The following L1TD1 variants were observed in gnomAD, a reference collection of about 807,000 sequenced individuals.
L1TD1 encodes the protein LINE-1 type transposase domain-containing protein 1.
L1TD1 carries 26 observed loss-of-function variants against 25.7 expected under a neutral mutation model. The ratio of observed to expected loss-of-function variants is 1.01; its 90% CI spans 0.74 to 1.40. The LOEUF (loss-of-function observed/expected upper bound fraction) is 1.40. L1TD1 is among the 40% of genes most tolerant of loss of function. L1TD1 has a pLI of 0.00. For missense variants in L1TD1, 1,130 were observed against 975.0 expected, an observed-to-expected ratio of 1.16 and a Z score of -2.12; for synonymous variants, 421 against 335.6, an observed-to-expected ratio of 1.25 and a Z score of -2.78.
In L1TD1 at chr1:62,209,993, G is replaced by A. The variant is rs777622889; in HGVS notation, c.1219G>A (p.Glu407Lys). 3.4e-6 allele frequency: 5 copies of A among 1,470,694 alleles called. No homozygotes were observed. The highest frequency in any genetic ancestry group is 4.7e-6 in the Non-Finnish European group (5 of 1,071,602). The allele number at this position is 1,470,694 out of a possible 1,614,324, so 91.1% of individuals were successfully genotyped here. ...AGATACCTCAGGGCTGGAGGAGGAG[G>A]AGGAAGAGCCCTCAGGGCTGGAGGA... ...DEDTSGLEEE[E>K]EEPSGLEEEE... The change falls in exon 4 of 4, where the codon GAG becomes AAG. Residue 407 changes from glutamate to lysine, a missense_variant. Transcript: ENST00000498273.
chr1:62,197,134 C>A (rs1013069108), intron 2 of L1TD1, among the ~76,000 whole-genome samples: 1 of 151,812 alleles, frequency 6.6e-6, no homozygotes, highest in African/African-American at 2.4e-5. Context: ...ACCTGTAATC[C>A]CAGCACTTTG....
chr1:62,206,464 C>T, intron 2 of L1TD1, 55 bp from the exon 3 acceptor site: 1 of 627,120 alleles, frequency 1.6e-6, no homozygotes, highest in Non-Finnish European at 2.4e-6. Flanking sequence ...ATATTCTTAC[C>T]AAGTTTCTCA....
Position 62,210,057 on chromosome 1 carries a change from A to C in L1TD1, c.1283A>C (p.Glu428Ala). Residue 428 changes from glutamate (E) to alanine (A), a missense_variant, in exon 4 of 4, where the codon GAG becomes GCG. Glu to Ala is a moderately radical substitution (Grantham distance 107). Transcript: ENST00000498273. ...GAGGCTTCAGGGTTGGAGGAGGATG[A>C]GGCCTCAGGGCTAGAGGAGGAAGAG... ...EEEASGLEED[E>A]ASGLEEEEEQ... The C allele has an allele frequency of 1.9e-6, 3 of 1,613,294 alleles. No homozygotes were observed. The highest frequency in any genetic ancestry group is 2.5e-6 in the Non-Finnish European group (3 of 1,179,436).
At position 62,205,373 on chromosome 1, in the gene L1TD1, TTCTCTCTCTCTCTCTTTCTCTC is replaced by T. The variant is rs1279940152; in HGVS notation, c.-110-1130_-110-1109del. On this transcript the variant is annotated intron_variant, in intron 2 of 3. Coordinates refer to ENST00000498273, the MANE Select transcript of L1TD1 (RefSeq NM_019079.5). ...AAAATAAAACCAACGAAAACTCTCT[TTCTCTCTCTCTCTCTTTCTCTC>T]TCTCTCTCTCTCTCTCTCTCTCTAT... Among the ~76,000 whole-genome samples the T allele has an allele frequency of 9.0e-3, 807 of 90,072 alleles. 15 individuals carry two copies. Among genetic ancestry groups the T allele is most frequent in the Middle Eastern group, 0.023 (4 of 172 alleles). The allele number at this position is 90,072 out of a possible 152,430, so 59.1% of individuals were successfully genotyped here.
chr1:62,212,048 C>CA lies in L1TD1; in HGVS notation c.*678dup, dbSNP rs1179631690. ...GGCTGCACCTGTCAAGATAACCTGT[C>CA]AATGTAGTAGGAAAACAGGAGGGGA... is the stretch of plus-strand genomic sequence containing the variant. On this transcript the variant is annotated 3_prime_UTR_variant, in exon 4 of 4. Coordinates refer to ENST00000498273, the MANE Select transcript of L1TD1 (RefSeq NM_019079.5). 6.6e-6 allele frequency: 1 copy of CA among 152,160 alleles called. No homozygotes were observed. The highest frequency in any genetic ancestry group is 1.5e-5 in the Non-Finnish European group (1 of 68,096). The allele number at this position is 152,160 out of a possible 1,614,324, so 9.4% of individuals were successfully genotyped here.
intron 2 of L1TD1, among the ~76,000 whole-genome samples, chr1:62,202,669 ATTTTTTT>A (rs35815437): frequency 5.6e-5 from 4 of 71,868 alleles, no homozygotes; most frequent in African/African-American, 2.3e-4. Flanking sequence ...CCAGGGTTTA[ATTTTTTT>A]TTTTTTTTTT....
chr1:62,207,738 G>C, intron 3 of L1TD1, 102 bp downstream of exon 3: 3 of 1,356,814 alleles, frequency 2.2e-6, no homozygotes, highest in South Asian at 1.6e-5. Context: ...TTGAGATGGA[G>C]TTTCGCTCTT....
In L1TD1 at chr1:62,206,851, A is replaced by C; in HGVS notation, c.223A>C (p.Asn75His). The C allele has an allele frequency of 6.2e-7, 1 of 1,612,556 alleles. No individual in the cohort carries two copies. The highest frequency in any genetic ancestry group is 8.5e-7 in the Non-Finnish European group (1 of 1,179,388). Residue 75 changes from asparagine to histidine, a missense_variant, in exon 3 of 4, where the codon AAT becomes CAT. Physicochemically the swap from Asn to His is moderately conservative, Grantham distance 68. Transcript: ENST00000498273. The stretch of plus-strand genomic sequence containing the variant: ...TGAGGAGATGAGGGAAACTCTTAAA[A>C]ATGACCTAAAAGCAGTTTTAGGGGG... ...MFEEMRETLK[N>H]DLKAVLGGKA...
At chr1:62,202,140 A>C (rs1570923476) in intron 2 of L1TD1, among the ~76,000 whole-genome samples, 1 of 152,276 alleles carries the variant, frequency 6.6e-6, no homozygotes, top group East Asian at 1.9e-4. Context: ...GTCTCTACTA[A>C]AAGTACAAAA....
intron 2 of L1TD1, among the ~76,000 whole-genome samples, chr1:62,197,122 A>G (rs1670557564): frequency 1.3e-5 from 2 of 151,976 alleles, no homozygotes; most frequent in South Asian, 4.1e-4. Context: ...GTGGTGGCTC[A>G]CACCTGTAAT....
chr1:62,210,795 C>T lies in L1TD1; in HGVS notation c.2021C>T (p.Ser674Phe). Residue 674 changes from serine (S) to phenylalanine (F), a missense_variant, in exon 4 of 4, where the codon TCT becomes TTT. Coordinates refer to ENST00000498273, the MANE Select transcript of L1TD1 (RefSeq NM_019079.5). ...DSLEDQIEEF[S>F]KDTMQMTKQI... ...CTAGAAGATCAAATTGAAGAATTCT[C>T]TAAGGATACAATGCAAATGACCAAA... The T allele has an allele frequency of 1.9e-6, 3 of 1,550,262 alleles. No individual in the cohort carries two copies. Among genetic ancestry groups the T allele is most frequent in the Non-Finnish European group, 2.6e-6 (3 of 1,146,696 alleles).
intron 2 of L1TD1, among the ~76,000 whole-genome samples, chr1:62,196,881 T>C (rs1348516839): frequency 1.3e-5 from 2 of 151,784 alleles, no homozygotes; most frequent in African/African-American, 4.8e-5. Context: ...CGTGAGTCAC[T>C]GCGCCTGGAC....
chr1:62,211,641 T>A lies in L1TD1; in HGVS notation c.*269T>A, dbSNP rs562597343. The A allele has an allele frequency of 1.1e-4, 35 of 328,120 alleles. No homozygotes were observed. In the East Asian group the frequency reaches 2.2e-3, roughly 20 times the overall value. The allele number at this position is 328,120 out of a possible 1,614,324, so 20.3% of individuals were successfully genotyped here. A position where few individuals can be genotyped will look rare whatever the true frequency, so the allele number is the denominator to read the frequency against. ...CTTGTTTTACTTCCCCCCCACCACC[T>A]CCCTACTGCAGTTGACTAGTCTTTT... is the stretch of plus-strand genomic sequence containing the variant. On this transcript the variant is annotated 3_prime_UTR_variant, in exon 4 of 4. Transcript: ENST00000498273.
At chr1:62,204,988 T>C (rs1253058674) in intron 2 of L1TD1, among the ~76,000 whole-genome samples, 1 of 151,910 alleles carries the variant, frequency 6.6e-6, no homozygotes, top group African/African-American at 2.4e-5. Context: ...CAGGTCTCAA[T>C]CTCCTGAGCT....
rs1176740178 is a variant in L1TD1 at position 62,209,671 on chromosome 1, T to G, written c.1009-112T>G. 3.2e-6 allele frequency: 3 copies of G among 951,710 alleles called. No homozygotes were observed. In the East Asian group the frequency reaches 8.2e-5, roughly 26 times the overall value. The allele number at this position is 951,710 out of a possible 1,614,324, so 59.0% of individuals were successfully genotyped here. On this transcript the variant is annotated intron_variant, in intron 3 of 3. Transcript: ENST00000498273. ...ATATTTAAGCACTTTTTCAGATATT[T>G]TCTGTCAGAATTGAAGCCATATTAA...
chr1:62,204,954 G>T lies in L1TD1; in HGVS notation c.-110-1565G>T, dbSNP rs554651768. ...CCACACCAGGCTAATTTTTGTTAGA[G>T]ACAGTTTCACCATGTTACCCAGGCA... On this transcript the variant is annotated intron_variant, in intron 2 of 3. Transcript: ENST00000498273. Among the ~76,000 whole-genome samples the T allele has an allele frequency of 3.2e-4, 49 of 152,036 alleles. 2 individuals carry two copies. The South Asian group carries it at 9.0e-3, about 28-fold the overall frequency.
intron 1 of L1TD1, among the ~76,000 whole-genome samples, chr1:62,195,250 G>C (rs960852055): frequency 1.3e-5 from 2 of 152,192 alleles, no homozygotes; most frequent in African/African-American, 4.8e-5. Context: ...AGGCAAGGCT[G>C]ATCCGGGTGC....
intron 2 of L1TD1, among the ~76,000 whole-genome samples, chr1:62,198,093 T>G (rs1455534089): frequency 4.0e-5 from 6 of 151,804 alleles, no homozygotes; most frequent in African/African-American, 1.5e-4. Flanking sequence ...AAAGTAAATG[T>G]CCCCATACCC....
chr1:62,195,684 A>G (rs2989009), intron 1 of L1TD1, among the ~76,000 whole-genome samples: 110,549 of 151,914 alleles, frequency 0.73, 40,269 homozygotes, highest in Admixed American at 0.78. Context: ...CCCGAGAGGC[A>G]GAGGTTGCAC....
Sources: gnomAD v4.1 joint callset for allele counts (sites outside exome capture counted in the v4.1 genomes callset) on GRCh38, gnomAD v4.1.1 for gene constraint, MANE v1.5 for transcripts, NCBI Gene and HGNC (gene_info 2026-07-23, HGNC 2026-07-21) for gene names.